The following GALNTL5 variants were observed in gnomAD, a reference collection of about 807,000 sequenced individuals.
The protein encoded by GALNTL5 is polypeptide N-acetylgalactosaminyltransferase like 5.
GALNTL5 carries 44 observed loss-of-function variants against 51.0 expected under a neutral mutation model. The observed-to-expected ratio is 0.86, with a 90% CI of 0.68 to 1.11. The LOEUF is 1.11. Ranked by LOEUF, GALNTL5 falls within the 50% of genes least tolerant of loss-of-function variation. The probability of loss-of-function intolerance (pLI) is 0.00; values close to 1 mark genes in which losing one functional copy is unlikely to be tolerated. For synonymous variants in GALNTL5, 192 were observed against 182.8 expected (o/e 1.05, Z -0.41); for missense variants, 528 against 531.8 (o/e 0.99, Z 0.07).
At chr7:151,964,037 G>C (rs1028844680) in intron 1 of GALNTL5, among the ~76,000 whole-genome samples, 1 of 152,172 alleles carries the variant, frequency 6.6e-6, no homozygotes, top group African/African-American at 2.4e-5. Context: ...AGTTCTGGAG[G>C]CTGGAGTCGG....
intron 1 of GALNTL5, among the ~76,000 whole-genome samples, chr7:151,963,148 A>C (rs768469310): frequency 3.3e-5 from 5 of 152,066 alleles, no homozygotes; most frequent in Non-Finnish European, 5.9e-5. Flanking sequence ...TCATTTTGAC[A>C]CTCTTTCTAG....
chr7:152,014,077 C>T (rs2081774301), intron 7 of GALNTL5, among the ~76,000 whole-genome samples: 1 of 152,174 alleles, frequency 6.6e-6, no homozygotes, highest in African/African-American at 2.4e-5. Context: ...TCATTGCTGG[C>T]TCTCAGTCAG....
intron 8 of GALNTL5, among the ~76,000 whole-genome samples, chr7:152,018,731 C>T (rs545593604): frequency 5.3e-5 from 8 of 152,240 alleles, no homozygotes; most frequent in Non-Finnish European, 1.2e-4. Flanking sequence ...CCTGCAGGCT[C>T]ACCCCCTGCA....
At chr7:152,013,284 C>T (rs2081762897) in intron 7 of GALNTL5, among the ~76,000 whole-genome samples, 1 of 151,822 alleles carries the variant, frequency 6.6e-6, no homozygotes, top group South Asian at 2.1e-4. Flanking sequence ...TGCTCAAAAC[C>T]CCCAGACATG....
rs543773065 is a variant in GALNTL5, at chr7:152,003,645, C to A, written c.908+682C>A. Among the ~76,000 whole-genome samples the A allele has an allele frequency of 1.3e-3, 193 of 152,156 alleles. 1 individual carries two copies. Among genetic ancestry groups the A allele is most frequent in the African/African-American group, 4.5e-3 (185 of 41,430 alleles). Reference sequence around the variant, plus strand: ...TCACAGACTTTGGAACAAAGAGGAACAAAAGTGTACTTTATTGTAATAAAA... The same window carrying A: ...TCACAGACTTTGGAACAAAGAGGAAAAAAAGTGTACTTTATTGTAATAAAA... On this transcript the variant is annotated intron_variant, in intron 6 of 8. Coordinates refer to ENST00000392800, the MANE Select transcript of GALNTL5 (RefSeq NM_145292.4).
chr7:151,959,651 C>T (rs553595453), intron 1 of GALNTL5, among the ~76,000 whole-genome samples: 1 of 152,284 alleles, frequency 6.6e-6, no homozygotes, highest in South Asian at 2.1e-4. Context: ...CCCTGCGTGC[C>T]TGCTGGTTCA....
intron 3 of GALNTL5, among the ~76,000 whole-genome samples, chr7:151,979,276 A>ATTTT (rs10681163): frequency 0.03 from 3,943 of 131,346 alleles, 204 homozygotes; most frequent in African/African-American, 0.11. Context: ...CGCCCAGCTA[A>ATTTT]TTTTTTTTTT....
At chr7:151,979,937 T>C (rs1487232314) in intron 3 of GALNTL5, among the ~76,000 whole-genome samples, 1 of 152,194 alleles carries the variant, frequency 6.6e-6, no homozygotes, top group Non-Finnish European at 1.5e-5. Context: ...CACCCAGGAC[T>C]GACTATAACA....
chr7:152,000,008 G>A (rs974832730), intron 5 of GALNTL5, among the ~76,000 whole-genome samples: 6 of 152,174 alleles, frequency 3.9e-5, no homozygotes, highest in Non-Finnish European at 7.3e-5. Flanking sequence ...CTCAAAGCCT[G>A]GTGAGAGAGA....
intron 6 of GALNTL5, among the ~76,000 whole-genome samples, chr7:152,003,523 TGAG>T (rs2081608116): frequency 2.0e-5 from 3 of 152,186 alleles, no homozygotes; most frequent in African/African-American, 7.2e-5. Context: ...TTAGGATCGT[TGAG>T]GGGATTAAAT....
chr7:151,961,086 G>A (rs908265508), intron 1 of GALNTL5, among the ~76,000 whole-genome samples: 5 of 152,178 alleles, frequency 3.3e-5, no homozygotes, highest in African/African-American at 9.7e-5. Context: ...CAGCACTTTG[G>A]GAGGCCAAAG....
At chr7:152,015,329 G>A (rs1787389636) in intron 8 of GALNTL5, among the ~76,000 whole-genome samples, 1 of 150,916 alleles carries the variant, frequency 6.6e-6, no homozygotes, top group Admixed American at 6.6e-5. Flanking sequence ...GAAGCAAATA[G>A]CTTCTCCTTG....
At chr7:151,971,381 C>T (rs1385800690) in intron 3 of GALNTL5, among the ~76,000 whole-genome samples, 1 of 152,128 alleles carries the variant, frequency 6.6e-6, no homozygotes, top group Non-Finnish European at 1.5e-5. Context: ...GCATTCATTC[C>T]TGATAGAAAA....
chr7:152,008,973 T>C (rs1327213319), intron 7 of GALNTL5, among the ~76,000 whole-genome samples: 1 of 152,226 alleles, frequency 6.6e-6, no homozygotes, highest in Non-Finnish European at 1.5e-5. Flanking sequence ...TATATTCCTT[T>C]TTCTGGCCCT....
intron 1 of GALNTL5, among the ~76,000 whole-genome samples, chr7:151,959,850 T>C (rs1323919412): frequency 6.6e-6 from 1 of 152,142 alleles, no homozygotes; most frequent in African/African-American, 2.4e-5. Flanking sequence ...GCTAGCCTTG[T>C]TGGGGAGCAG....
At chr7:151,962,016 T>TA (rs996056533) in intron 1 of GALNTL5, among the ~76,000 whole-genome samples, 2 of 150,472 alleles carry the variant, frequency 1.3e-5, no homozygotes, top group African/African-American at 4.9e-5. Flanking sequence ...TTTTTTTTTT[T>TA]TTTTAATGGA....
At chr7:152,018,536 C>G (rs1187625102) in intron 8 of GALNTL5, among the ~76,000 whole-genome samples, 1 of 152,036 alleles carries the variant, frequency 6.6e-6, no homozygotes. Context: ...GGTTTACTGA[C>G]TTTCACAGAG....
At chr7:151,991,709 T>A (rs1175904304) in intron 5 of GALNTL5, among the ~76,000 whole-genome samples, 1 of 152,214 alleles carries the variant, frequency 6.6e-6, no homozygotes, top group Non-Finnish European at 1.5e-5. Context: ...TACAGCTTGA[T>A]AAGAAGTTTT....
At chr7:152,017,905 A>G (rs10248412) in intron 8 of GALNTL5, among the ~76,000 whole-genome samples, 4,764 of 151,240 alleles carry the variant, frequency 0.031, 260 homozygotes, top group African/African-American at 0.11. Context: ...GAGTGCGGTG[A>G]TGCAATCTCG....
Sources: gnomAD v4.1 joint callset for allele counts (sites outside exome capture counted in the v4.1 genomes callset) on GRCh38, gnomAD v4.1.1 for gene constraint, MANE v1.5 for transcripts, NCBI Gene and HGNC (gene_info 2026-07-23, HGNC 2026-07-21) for gene names.